The following MIA2 variants were observed in gnomAD, a reference collection of about 807,000 sequenced individuals.
MIA2 encodes the protein melanoma inhibitory activity protein 2.
In MIA2, 127 loss-of-function variants were observed where a neutral mutation model predicts 167.8. The observed-to-expected ratio is 0.76, with a 90% confidence interval of 0.66 to 0.88. MIA2 has a LOEUF of 0.88. Among genes scored for constraint, MIA2 ranks in the 40% least tolerant of loss-of-function variants. MIA2 has a pLI of 0.00. For missense variants in MIA2, 1,690 were observed against 1,624.7 expected (o/e 1.04, Z -0.69); for synonymous variants, 552 against 541.9 (o/e 1.02, Z -0.26).
rs558238245 is a variant in MIA2, at chr14:39,330,407, T to C, written c.3655+3385T>C. On this transcript the variant is annotated intron_variant, in intron 25 of 28. Coordinates refer to ENST00000640607, the MANE Select transcript of MIA2 (RefSeq NM_001329214.4). ...GTGGTCTATTTATTTTGTTAATCTT[T>C]TCAGAACACCAGCTCATGGATTTTT... is the stretch of plus-strand genomic sequence containing the variant. 1.2e-4 allele frequency among the ~76,000 whole-genome samples: 19 copies of C among 152,284 alleles called. 1 individual carries two copies. In the South Asian group the frequency reaches 3.9e-3, roughly 32 times the overall value.
intron 13 of MIA2, among the ~76,000 whole-genome samples, chr14:39,296,241 A>G (rs73277467): frequency 3.3e-5 from 5 of 151,930 alleles, no homozygotes; most frequent in African/African-American, 9.7e-5. Flanking sequence ...ATAGGAGATA[A>G]TTTTTTTAGA....
intron 6 of MIA2, among the ~76,000 whole-genome samples, chr14:39,271,639 A>G (rs1325545008): frequency 6.6e-6 from 1 of 152,046 alleles, no homozygotes; most frequent in Non-Finnish European, 1.5e-5. Context: ...AATAATATTA[A>G]GTCTTCCAAG....
Position 39,294,018 on chromosome 14 carries a change from A to C in MIA2, c.2338A>C (p.Arg780=), listed in dbSNP as rs1238840898. 1 of 1,610,498 alleles carries C rather than the reference A, an allele frequency of 6.2e-7. No individual in the cohort carries two copies. The highest frequency in any genetic ancestry group is 1.7e-5 in the Admixed American group (1 of 59,380). ...QDELMADISK[R]IQSLEDESKS... ...TTTCTAGATGGCGGATATTTCAAAA[A>C]GGATACAGTCTCTAGAAGATGAGTC... is the stretch of plus-strand genomic sequence containing the variant. Residue 780 remains arginine, a synonymous_variant, in exon 12 of 29, where the codon AGG becomes CGG. Transcript: ENST00000640607.
At chr14:39,338,079 A>G (rs1047501533) in intron 25 of MIA2, among the ~76,000 whole-genome samples, 7 of 152,208 alleles carry the variant, frequency 4.6e-5, no homozygotes, top group Admixed American at 3.3e-4. Context: ...GGTGGATTCA[A>G]GAGTTTGAGA....
chr14:39,344,846 T>C (rs1234775962), intron 25 of MIA2, among the ~76,000 whole-genome samples: 1 of 152,244 alleles, frequency 6.6e-6, no homozygotes, highest in East Asian at 1.9e-4. Context: ...TTTTCAAGAG[T>C]GATGAGTTCC....
At position 39,378,530 on chromosome 14, in the gene MIA2, A is replaced by G. The variant is rs116992765; in HGVS notation, c.2249-8355A>G. 9.1e-4 allele frequency among the ~76,000 whole-genome samples: 138 copies of G among 152,358 alleles called. 3 individuals carry two copies. In the South Asian group the frequency reaches 0.01, roughly 11 times the overall value. Reference sequence around the variant, plus strand: ...CAAAGTAAAACAACAATTGTGGATGACAAAAGTCTTAGAACAGCCATGGTT... The same window carrying G: ...CAAAGTAAAACAACAATTGTGGATGGCAAAAGTCTTAGAACAGCCATGGTT... On this transcript the variant is annotated intron_variant, in intron 23 of 23. Transcript: ENST00000341502.
At position 39,247,722 on chromosome 14, in the gene MIA2, C is replaced by G. The variant is rs754449120; in HGVS notation, c.1148C>G (p.Ala383Gly). The part of the protein sequence containing the change: ...LKPSWFDFGF[A>G]ILGFAYAKED... ...CCAAGTTGGTTTGATTTTGGTTTTG[C>G]TATACTAGGCTTTGCATATGCCAAG... Residue 383 changes from alanine (A) to glycine (G), a missense_variant, in exon 4 of 29, where the codon GCT (alanine) becomes GGT (glycine). Ala to Gly is a moderately conservative substitution (Grantham distance 60). Coordinates refer to ENST00000640607, the MANE Select transcript of MIA2 (RefSeq NM_001329214.4). 18 of 1,611,676 alleles carry G rather than the reference C, an allele frequency of 1.1e-5. No individual in the cohort carries two copies. The highest frequency in any genetic ancestry group is 3.3e-4 in the Middle Eastern group (2 of 6,036).
chr14:39,299,829 G>A (rs2062107711), intron 13 of MIA2, 35 bp from the exon 14 acceptor site: 1 of 1,586,412 alleles, frequency 6.3e-7, no homozygotes. Flanking sequence ...ATTCACTTGT[G>A]TGATGAGTTG....
exon 24 of MIA2, chr14:39,387,679 T>TG (rs1240678289): frequency 6.6e-6 from 1 of 152,110 alleles, no homozygotes; most frequent in Non-Finnish European, 1.5e-5. Context: ...AGAAGTTCTG[T>TG]GGGGAAAAAG....
At chr14:39,308,891 T>C (rs2063767569) in intron 18 of MIA2, among the ~76,000 whole-genome samples, 1 of 152,192 alleles carries the variant, frequency 6.6e-6, no homozygotes, top group Non-Finnish European at 1.5e-5. Flanking sequence ...ACACTCTTGA[T>C]TAAACTGCCC....
chr14:39,297,892 A>T (rs113946524), intron 13 of MIA2, among the ~76,000 whole-genome samples: 1 of 152,078 alleles, frequency 6.6e-6, no homozygotes, highest in African/African-American at 2.4e-5. Context: ...GGGTATATCA[A>T]ATCAGCCTAC....
chr14:39,259,655 T>A (rs1386584360), intron 6 of MIA2, among the ~76,000 whole-genome samples: 3 of 149,514 alleles, frequency 2.0e-5, no homozygotes, highest in Admixed American at 2.0e-4. Flanking sequence ...CTCAGGCACC[T>A]GAGTAGCTGG....
intron 25 of MIA2, among the ~76,000 whole-genome samples, chr14:39,340,929 G>T (rs1367597173): frequency 6.6e-6 from 1 of 152,154 alleles, no homozygotes; most frequent in Non-Finnish European, 1.5e-5. Flanking sequence ...AGGGACAAAT[G>T]TAAACAACTT....
chr14:39,349,452 ATTC>A (rs1184969391), intron 28 of MIA2, among the ~76,000 whole-genome samples: 1 of 152,206 alleles, frequency 6.6e-6, no homozygotes, highest in Admixed American at 6.5e-5. Flanking sequence ...GATTTATTGA[ATTC>A]TTTTAAAGCT....
chr14:39,312,016 G>T (rs2064396687), intron 18 of MIA2, among the ~76,000 whole-genome samples: 1 of 151,508 alleles, frequency 6.6e-6, no homozygotes, highest in Admixed American at 6.6e-5. Flanking sequence ...TTTTAGTGGA[G>T]ATGGGGTTTC....
At chr14:39,347,823 T>A in intron 27 of MIA2, 52 bp downstream of exon 27, 1 of 1,389,064 alleles carries the variant, frequency 7.2e-7, no homozygotes, top group Non-Finnish European at 9.7e-7. Context: ...GCCTTCTTTT[T>A]TTTTTTTTTT....
In MIA2 at chr14:39,247,044, G is replaced by C; in HGVS notation, c.470G>C (p.Ser157Thr). ...GATGAAAAATCTAGTATATATGAAA[G>C]TGATTTTCAGATAGAACCTGGATTT... ...DKDEKSSIYE[S>T]DFQIEPGFYA... is the part of the protein sequence containing the mutation. Residue 157 changes from serine (S) to threonine (T), a missense_variant, in exon 4 of 29, where the codon AGT (serine) becomes ACT (threonine). Ser to Thr is a moderately conservative substitution (Grantham distance 58). Coordinates refer to ENST00000640607, the MANE Select transcript of MIA2 (RefSeq NM_001329214.4). 1 of 1,603,162 alleles carries C rather than the reference G, an allele frequency of 6.2e-7. No individual in the cohort carries two copies. The highest frequency in any genetic ancestry group is 8.5e-7 in the Non-Finnish European group (1 of 1,177,092).
chr14:39,315,832 C>A (rs987498265), intron 21 of MIA2, 114 bp downstream of exon 21: 1 of 710,082 alleles, frequency 1.4e-6, no homozygotes, highest in South Asian at 2.2e-5. Context: ...AAATCAGTTT[C>A]TTTTAATTTT....
intron 23 of MIA2, among the ~76,000 whole-genome samples, chr14:39,356,744 A>G (rs1323553623): frequency 2.6e-5 from 4 of 152,136 alleles, no homozygotes; most frequent in Non-Finnish European, 5.9e-5. Context: ...AGATTCTGGT[A>G]TGTTGTATCT....
Sources: gnomAD v4.1 joint callset for allele counts (sites outside exome capture counted in the v4.1 genomes callset) on GRCh38, gnomAD v4.1.1 for gene constraint, MANE v1.5 for transcripts, NCBI Gene and HGNC (gene_info 2026-07-23, HGNC 2026-07-21) for gene names.